COL24A1: variants seen among roughly 807,000 people sequenced by gnomAD.
The protein encoded by COL24A1 is collagen type XXIV alpha 1 chain, also known as collagen alpha-1(XXIV) chain.
A neutral mutation model predicts 253.9 loss-of-function variants in COL24A1; 224 were observed. The ratio of observed to expected loss-of-function variants is 0.88; its 90% CI spans 0.79 to 0.99. The LOEUF is 0.99. Among genes scored for constraint, COL24A1 ranks in the 50% least tolerant of loss-of-function variants. The pLI is 0.00. For synonymous variants in COL24A1, 685 were observed against 673.7 expected, an observed-to-expected ratio of 1.02 and a Z score of -0.26; for missense variants, 2,131 against 2,068.5, an observed-to-expected ratio of 1.03 and a Z score of -0.59.
intron 7 of COL24A1, 93 bp from the exon 8 acceptor site, chr1:86,063,852 T>C (rs1701287121): frequency 1.4e-6 from 1 of 705,748 alleles, no homozygotes; most frequent in East Asian, 3.0e-5. Flanking sequence ...ATATCCCAAC[T>C]TTTGGTTGCC....
At chr1:86,047,783 T>C (rs934291945) in intron 11 of COL24A1, among the ~76,000 whole-genome samples, 1 of 152,098 alleles carries the variant, frequency 6.6e-6, no homozygotes, top group Non-Finnish European at 1.5e-5. Context: ...TATCTTTATA[T>C]TTAAGCCAGT....
chr1:86,095,659 T>A (rs1467822979), intron 5 of COL24A1, among the ~76,000 whole-genome samples: 1 of 152,068 alleles, frequency 6.6e-6, no homozygotes, highest in African/African-American at 2.4e-5. Context: ...GTTTTTCAAA[T>A]CCCCTTTGGA....
rs1268576045 is a variant in COL24A1 at position 85,964,924 on chromosome 1, G to A, written c.2517+85C>T. 4.2e-6 allele frequency: 5 copies of A among 1,195,630 alleles called. No homozygotes were observed. In the African/African-American group the frequency reaches 4.7e-5, roughly 11 times the overall value. 74.1% of individuals were successfully genotyped at this position (1,195,630 alleles called of 1,614,324 possible). A position where few individuals can be genotyped will look rare whatever the true frequency, so the allele number is the denominator to read the frequency against. ...TCACTGGTTCTTTTTAAGTTGATGT[G>A]TTCATTTCACATTTGTATGAAAGTC... On this transcript the variant is annotated intron_variant, in intron 23 of 59. Transcript: ENST00000370571.
chr1:85,853,731 C>A (rs977183407), intron 37 of COL24A1, among the ~76,000 whole-genome samples: 1 of 152,188 alleles, frequency 6.6e-6, no homozygotes, highest in South Asian at 2.1e-4. Flanking sequence ...CAACATTGAG[C>A]ATTTTTTCAT....
intron 18 of COL24A1, 107 bp from the exon 19 acceptor site, chr1:86,017,311 A>G: frequency 1.0e-6 from 1 of 979,812 alleles, no homozygotes; most frequent in Non-Finnish European, 1.5e-6. Context: ...TTATATTATC[A>G]TGTCAAACAA....
rs560082603 is a variant in COL24A1, at chr1:85,820,100, G to A, written c.3790-2013C>T. Among the ~76,000 whole-genome samples the A allele has an allele frequency of 5.3e-5, 8 of 152,036 alleles. No homozygotes were observed. In the East Asian group the frequency reaches 7.7e-4, roughly 15 times the overall value. ...TGACCTCAGGTGATCTGCCCTCCTC[G>A]GCCTCCCAAAGTGCTGGAATTACAG... On this transcript the variant is annotated intron_variant, in intron 45 of 59. Coordinates refer to ENST00000370571, the MANE Select transcript of COL24A1 (RefSeq NM_152890.7).
At chr1:86,014,725 G>C (rs771857194) in intron 19 of COL24A1, among the ~76,000 whole-genome samples, 1 of 152,074 alleles carries the variant, frequency 6.6e-6, no homozygotes. Flanking sequence ...GGAATGAACT[G>C]TTTTATGTAT....
intron 20 of COL24A1, among the ~76,000 whole-genome samples, chr1:85,975,154 T>C (rs953113513): frequency 1.3e-5 from 2 of 152,114 alleles, no homozygotes; most frequent in Non-Finnish European, 2.9e-5. Context: ...GAAAGGGTGA[T>C]TTATTGGTGG....
chr1:86,113,837 C>CAA (rs36014881), intron 4 of COL24A1, among the ~76,000 whole-genome samples: 1,699 of 72,420 alleles, frequency 0.023, 294 homozygotes, highest in Non-Finnish European at 0.027. Context: ...TCCTGTCTCA[C>CAA]AAAAAAAAAA....
chr1:85,784,351 G>A lies in COL24A1; in HGVS notation c.4075C>T (p.Pro1359Ser). The change falls in exon 49 of 60, where the codon CCT becomes TCT. Residue 1359 changes from proline to serine, a missense_variant. Physicochemically the swap from Pro to Ser is moderately conservative, Grantham distance 74. Coordinates refer to ENST00000370571, the MANE Select transcript of COL24A1 (RefSeq NM_152890.7). ...TTACCTTGAATTCCAGGTTGACCAG[G>A]TAGCCCTTGTTCACCCTATGGGTAG... Reference protein sequence around the residue: ...IQGPKGEQGLPGQPGIQGKRG... With the variant: ...IQGPKGEQGLSGQPGIQGKRG... 1.2e-6 allele frequency: 2 copies of A among 1,613,770 alleles called. No homozygotes were observed. Among genetic ancestry groups the A allele is most frequent in the Non-Finnish European group, 8.5e-7 (1 of 1,179,814 alleles).
At chr1:86,080,882 C>T in intron 7 of COL24A1, among the ~76,000 whole-genome samples, 1 of 152,104 alleles carries the variant, frequency 6.6e-6, no homozygotes, top group East Asian at 1.9e-4. Context: ...AGATCCTCCT[C>T]ACTTTGCACT....
intron 47 of COL24A1, among the ~76,000 whole-genome samples, chr1:85,801,993 G>T (rs1247227062): frequency 6.6e-6 from 1 of 152,030 alleles, no homozygotes; most frequent in African/African-American, 2.4e-5. Context: ...TCCTACTAAA[G>T]CCACCTCCTA....
Position 86,092,275 on chromosome 1 carries a change from C to T in COL24A1, c.1645G>A (p.Gly549Arg). ...PGFSPGQPVP[G>R]EKGDQGLSGL... is the part of the protein sequence containing the mutation. ...CATGGTCAAATAATTACCTTTTCTC[C>T]AGGAACAGGTTGACCTGGGGAAAAT... Residue 549 changes from glycine (G) to arginine (R), a missense_variant, in exon 6 of 60, where the codon GGA becomes AGA. Transcript: ENST00000370571. The T allele has an allele frequency of 6.3e-7, 1 of 1,599,756 alleles. No individual in the cohort carries two copies. The highest frequency in any genetic ancestry group is 1.1e-5 in the South Asian group (1 of 89,856).
chr1:86,058,077 CT>C, intron 9 of COL24A1, 102 bp from the exon 10 acceptor site: 2 of 867,592 alleles, frequency 2.3e-6, no homozygotes, highest in Non-Finnish European at 3.5e-6. Flanking sequence ...ATTTTCAAAA[CT>C]ATAGAATTCA....
chr1:85,906,293 A>T (rs1434974448), intron 28 of COL24A1, among the ~76,000 whole-genome samples: 1 of 24,296 alleles, frequency 4.1e-5, no homozygotes, highest in Non-Finnish European at 9.6e-5. Flanking sequence ...GGTTAGGTAG[A>T]GGATATTTTT....
intron 2 of COL24A1, among the ~76,000 whole-genome samples, chr1:86,133,969 A>G (rs1649762603): frequency 1.1e-5 from 1 of 88,118 alleles, no homozygotes. Flanking sequence ...CTGTGAATCC[A>G]TCTGGTCCTG....
At chr1:85,828,133 G>A (rs1464432922) in intron 43 of COL24A1, among the ~76,000 whole-genome samples, 1 of 151,956 alleles carries the variant, frequency 6.6e-6, no homozygotes, top group South Asian at 2.1e-4. Context: ...CTTTGTTCTT[G>A]TTGGTTTCAA....
intron 18 of COL24A1, among the ~76,000 whole-genome samples, chr1:86,018,877 T>G (rs12564959): frequency 2.6e-5 from 4 of 151,896 alleles, no homozygotes; most frequent in African/African-American, 9.7e-5. Flanking sequence ...TATTTTTTTT[T>G]AAAATACTTG....
At chr1:86,066,845 T>C (rs1701528452) in intron 7 of COL24A1, among the ~76,000 whole-genome samples, 1 of 152,090 alleles carries the variant, frequency 6.6e-6, no homozygotes, top group Non-Finnish European at 1.5e-5. Flanking sequence ...AGATATGAGT[T>C]ACTTCAGGAA....
Sources: gnomAD v4.1 joint callset for allele counts (sites outside exome capture counted in the v4.1 genomes callset) on GRCh38, gnomAD v4.1.1 for gene constraint, MANE v1.5 for transcripts, NCBI Gene and HGNC (gene_info 2026-07-23, HGNC 2026-07-21) for gene names.